The following ANKRA2 variants were observed in gnomAD, a reference collection of about 807,000 sequenced individuals.
ANKRA2 encodes the protein ankyrin repeat family A protein 2.
In ANKRA2, 33 loss-of-function variants were observed where a neutral mutation model predicts 37.8. The ratio of observed to expected loss-of-function variants is 0.87; its 90% CI spans 0.66 to 1.17. The LOEUF is 1.17. Among genes scored for constraint, ANKRA2 ranks in the 50% most tolerant of loss-of-function variants. The probability of loss-of-function intolerance (pLI) is 0.00; values close to 1 mark genes in which losing one functional copy is unlikely to be tolerated. For synonymous variants in ANKRA2, 126 were observed against 132.3 expected (o/e 0.95, Z 0.33); for missense variants, 326 against 373.7 (o/e 0.87, Z 1.05).
intron 1 of ANKRA2, among the ~76,000 whole-genome samples, chr5:73,564,242 G>A (rs910940525): frequency 3.9e-5 from 6 of 152,196 alleles, no homozygotes; most frequent in Non-Finnish European, 4.4e-5. Context: ...GTCTTAAAAG[G>A]GACTGGACAA....
At chr5:73,558,788 C>T (rs1747468246) in intron 3 of ANKRA2, among the ~76,000 whole-genome samples, 1 of 152,194 alleles carries the variant, frequency 6.6e-6, no homozygotes, top group Admixed American at 6.5e-5. Flanking sequence ...CAGCCTCAGC[C>T]TCCCAAAGTG....
chr5:73,565,580 A>G lies in ANKRA2; in HGVS notation c.-553T>C, dbSNP rs1747713654. ...TACGCTCCGAGGCCCATCCTGCCGG[A>G]GTACTACACAGACAGGGTCATTTCA... On this transcript the variant is annotated 5_prime_UTR_variant, in exon 1 of 9. Coordinates refer to ENST00000296785, the MANE Select transcript of ANKRA2 (RefSeq NM_023039.5). The G allele has an allele frequency of 1.5e-5, 4 of 264,636 alleles. No individual in the cohort carries two copies. The highest frequency in any genetic ancestry group is 3.1e-5 in the Non-Finnish European group (4 of 129,016). The allele number at this position is 264,636 out of a possible 1,614,324, so 16.4% of individuals were successfully genotyped here.
chr5:73,554,554 T>C (rs937032834), intron 6 of ANKRA2, 166 bp from the exon 7 acceptor site: 2 of 578,942 alleles, frequency 3.5e-6, no homozygotes, highest in African/African-American at 1.9e-5. Flanking sequence ...GTCTATGATA[T>C]TAACTTTTTC....
At chr5:73,555,676 T>C (rs1580376811) in intron 4 of ANKRA2, 91 bp from the exon 5 acceptor site, 2 of 1,093,954 alleles carry the variant, frequency 1.8e-6, no homozygotes, top group Non-Finnish European at 2.7e-6. Flanking sequence ...GAGCTGATTA[T>C]AATACTCAGT....
chr5:73,560,661 C>T (rs1355422207), intron 3 of ANKRA2, among the ~76,000 whole-genome samples: 2 of 152,210 alleles, frequency 1.3e-5, no homozygotes, highest in Non-Finnish European at 2.9e-5. Flanking sequence ...GTTGGGATTA[C>T]AGGTGTGAGC....
rs369766687 is a variant in ANKRA2 at position 73,557,650 on chromosome 5, T to C, written c.449-10A>G. ...TGGTGAACAGACAAAGCTGAAAGAGTATCATAAAATGCTTCATGAATTATC... is the reference window on the plus strand; with the variant it reads ...TGGTGAACAGACAAAGCTGAAAGAGCATCATAAAATGCTTCATGAATTATC... On this transcript the variant is annotated splice_polypyrimidine_tract_variant and intron_variant, in intron 3 of 8. Transcript: ENST00000296785. The C allele has an allele frequency of 1.1e-5, 17 of 1,600,330 alleles. No homozygotes were observed. In the African/African-American group the frequency reaches 1.9e-4, roughly 18 times the overall value.
chr5:73,561,003 T>C (rs1270948035), intron 3 of ANKRA2, 127 bp downstream of exon 3: 8 of 973,030 alleles, frequency 8.2e-6, no homozygotes, highest in Non-Finnish European at 1.2e-5. Flanking sequence ...TGAATAGTAT[T>C]CCATTGTGTA....
At chr5:73,553,340 G>C (rs1747301448) in intron 8 of ANKRA2, 66 bp downstream of exon 8, 2 of 1,177,766 alleles carry the variant, frequency 1.7e-6, no homozygotes, top group Non-Finnish European at 2.4e-6. Context: ...AGATGGTTTG[G>C]AGTACTGGCT....
chr5:73,559,526 T>C (rs552126043), intron 3 of ANKRA2, among the ~76,000 whole-genome samples: 2 of 152,292 alleles, frequency 1.3e-5, no homozygotes, highest in South Asian at 4.1e-4. Context: ...CAGCTTTTAC[T>C]ACAAAATCAT....
At chr5:73,552,913 T>C in intron 8 of ANKRA2, 61 bp from the exon 9 acceptor site, 2 of 1,391,758 alleles carry the variant, frequency 1.4e-6, no homozygotes, top group Non-Finnish European at 1.0e-6. Flanking sequence ...TTTAAAACTA[T>C]CAAATTTAAC....
Position 73,557,610 on chromosome 5 carries a change from C to G in ANKRA2, c.479G>C (p.Gly160Ala). The G allele has an allele frequency of 6.2e-7, 1 of 1,611,138 alleles. No individual in the cohort carries two copies. The highest frequency in any genetic ancestry group is 8.5e-7 in the Non-Finnish European group (1 of 1,177,842). Reference sequence around the variant, plus strand: ...ACGAGTAGCCAGATAGAGCATCTCTCCCTGAGCAGCCAACTGGTGAACAGA... The same window carrying G: ...ACGAGTAGCCAGATAGAGCATCTCTGCCTGAGCAGCCAACTGGTGAACAGA... ...SLSVHQLAAQ[G>A]EMLYLATRIE... The change falls in exon 4 of 9, where the codon GGA (glycine) becomes GCA (alanine). Residue 160 changes from glycine to alanine, a missense_variant. Transcript: ENST00000296785.
chr5:73,564,220 A>C (rs544989549), intron 1 of ANKRA2, among the ~76,000 whole-genome samples: 41 of 152,260 alleles, frequency 2.7e-4, no homozygotes, highest in Admixed American at 1.4e-3. Flanking sequence ...TGTGCAATGC[A>C]TTAGTCCATG....
At position 73,552,832 on chromosome 5, in the gene ANKRA2, G is replaced by GT. The variant is rs1359142739; in HGVS notation, c.906dup (p.His303ThrfsTer31). 1 of 1,606,910 alleles carries GT rather than the reference G, an allele frequency of 6.2e-7. No homozygotes were observed. Among genetic ancestry groups the GT allele is most frequent in the Non-Finnish European group, 8.5e-7 (1 of 1,174,336 alleles). On this transcript the variant is annotated frameshift_variant, in exon 9 of 9. Transcript: ENST00000296785. LOFTEE classifies it high-confidence loss of function. ...ATATTTTGAAGCAGCTTCAACAAAT[G>GT]TGACTCAATAACCTGTTGAACTAGA... is the stretch of plus-strand genomic sequence containing the variant.
intron 7 of ANKRA2, among the ~76,000 whole-genome samples, chr5:73,553,835 C>T (rs534408831): frequency 2.9e-4 from 44 of 151,342 alleles, no homozygotes; most frequent in South Asian, 1.3e-3. Flanking sequence ...AATGCAGAGG[C>T]GCAGTCTCGG....
rs374696402 is a variant in ANKRA2, at chr5:73,562,869, T to C, written c.13A>G (p.Thr5Ala). Residue 5 changes from threonine (T) to alanine (A), a missense_variant, in exon 2 of 9, where the codon ACA becomes GCA. Transcript: ENST00000296785. MDTS[T>A]NLDIGAQLIV... ...AGCTGGGCTCCAATATCCAGATTTG[T>C]TGATGTATCCATGATTTCAACTGTA... 4 of 1,607,008 alleles carry C rather than the reference T, an allele frequency of 2.5e-6. No homozygotes were observed. In the African/African-American group the frequency reaches 4.0e-5, roughly 16 times the overall value.
chr5:73,555,299 T>C, intron 5 of ANKRA2, 189 bp downstream of exon 5: 2 of 1,212,246 alleles, frequency 1.6e-6, no homozygotes, highest in Non-Finnish European at 2.2e-6. Flanking sequence ...GTTAAATTAT[T>C]TCTCACTGTT....
chr5:73,555,661 C>A, intron 4 of ANKRA2, 76 bp from the exon 5 acceptor site: 2 of 1,285,306 alleles, frequency 1.6e-6, no homozygotes, highest in South Asian at 1.2e-5. Flanking sequence ...AACTGGCATT[C>A]CAAAGAGCTG....
chr5:73,554,978 A>C lies in ANKRA2; in HGVS notation c.621T>G (p.Asp207Glu). 1 of 1,613,228 alleles carries C rather than the reference A, an allele frequency of 6.2e-7. No individual in the cohort carries two copies. Among genetic ancestry groups the C allele is most frequent in the Non-Finnish European group, 8.5e-7 (1 of 1,179,690 alleles). ...VVEFLLQNGA[D>E]PQLLGKGRES... is the part of the protein sequence containing the mutation. ...CTCGACCTTTTCCTAAAAGTTGGGGATCAGCACCCTGGTATGGGAAGTAGA... is the reference window on the plus strand; with the variant it reads ...CTCGACCTTTTCCTAAAAGTTGGGGCTCAGCACCCTGGTATGGGAAGTAGA... The change falls in exon 6 of 9, where the codon GAT (aspartate) becomes GAG (glutamate). Residue 207 changes from aspartate to glutamate, a missense_variant. Coordinates refer to ENST00000296785, the MANE Select transcript of ANKRA2 (RefSeq NM_023039.5).
Position 73,555,600 on chromosome 5 carries a change from A to G in ANKRA2, c.515-15T>C. ...GATAACATTTTCTATTTAAAAGAAAAGCAATTTTTGTGATCTAATTTAACA... is the reference window on the plus strand; with the variant it reads ...GATAACATTTTCTATTTAAAAGAAAGGCAATTTTTGTGATCTAATTTAACA... On this transcript the variant is annotated splice_polypyrimidine_tract_variant and intron_variant, in intron 4 of 8. Transcript: ENST00000296785. The G allele has an allele frequency of 1.2e-6, 2 of 1,607,428 alleles. No individual in the cohort carries two copies. Among genetic ancestry groups the G allele is most frequent in the Non-Finnish European group, 1.7e-6 (2 of 1,175,544 alleles).
Sources: gnomAD v4.1 joint callset for allele counts (sites outside exome capture counted in the v4.1 genomes callset) on GRCh38, gnomAD v4.1.1 for gene constraint, MANE v1.5 for transcripts, NCBI Gene and HGNC (gene_info 2026-07-23, HGNC 2026-07-21) for gene names.